Variants in ASIC2 observed in about 807,000 individuals in gnomAD.
The protein encoded by ASIC2 is acid-sensing ion channel 2.
ASIC2 carries 25 observed loss-of-function variants against 57.3 expected under a neutral mutation model. That is an observed-to-expected ratio of 0.44 (90% CI 0.32 to 0.61). The LOEUF (loss-of-function observed/expected upper bound fraction) is 0.61, where lower values mean the gene tolerates loss of function less well. Among genes scored for constraint, ASIC2 ranks in the 20% least tolerant of loss-of-function variants. The probability of loss-of-function intolerance (pLI) is 0.06; values close to 1 mark genes in which losing one functional copy is unlikely to be tolerated. For missense variants in ASIC2, 641 were observed against 738.1 expected (o/e 0.87, Z 1.52); for synonymous variants, 319 against 307.5 (o/e 1.04, Z -0.39).
Position 33,554,070 on chromosome 17 carries a change from G to A in ASIC2, c.556-442003C>T, listed in dbSNP as rs144748175. 1.3e-4 allele frequency among the ~76,000 whole-genome samples: 20 copies of A among 152,290 alleles called. No individual in the cohort carries two copies. In the East Asian group the frequency reaches 3.9e-3, roughly 29 times the overall value. On this transcript the variant is annotated intron_variant, in intron 1 of 9. Transcript: ENST00000359872. The stretch of plus-strand genomic sequence containing the variant: ...AGTGCTGTTAGGCAGTAAACTTAGG[G>A]GAGAATTACACAGGGCAGCCATGAA...
At chr17:33,092,599 C>A (rs371193684) in intron 2 of ASIC2, among the ~76,000 whole-genome samples, 1 of 152,260 alleles carries the variant, frequency 6.6e-6, no homozygotes, top group Non-Finnish European at 1.5e-5. Context: ...AGGTCATCTA[C>A]ATTTGGGCAG....
intron 1 of ASIC2, among the ~76,000 whole-genome samples, chr17:33,277,038 A>G (rs903684551): frequency 2.0e-5 from 3 of 152,206 alleles, no homozygotes; most frequent in Non-Finnish European, 4.4e-5. Flanking sequence ...CTTGACAGGA[A>G]TGCAGAATCT....
Position 34,128,464 on chromosome 17 carries a change from C to G in ASIC2, c.555+27514G>C, listed in dbSNP as rs117408049. On this transcript the variant is annotated intron_variant, in intron 1 of 9. Coordinates refer to the ASIC2 transcript ENST00000359872. The stretch of plus-strand genomic sequence containing the variant: ...GTGTGGTTCACTTTCCCCTGCAAAC[C>G]ACACTTATTCAATGTGATAGTAGAG... 2.9e-4 allele frequency among the ~76,000 whole-genome samples: 44 copies of G among 152,272 alleles called. No homozygotes were observed. In the East Asian group the frequency reaches 8.5e-3, roughly 29 times the overall value.
intron 3 of ASIC2, among the ~76,000 whole-genome samples, chr17:33,060,979 T>C (rs994865422): frequency 1.3e-5 from 2 of 152,200 alleles, no homozygotes; most frequent in Non-Finnish European, 2.9e-5. Context: ...TATTGGTGTA[T>C]AAGAATGCTT....
At chr17:33,428,829 C>G (rs1218913912) in intron 1 of ASIC2, among the ~76,000 whole-genome samples, 1 of 152,182 alleles carries the variant, frequency 6.6e-6, no homozygotes, top group Non-Finnish European at 1.5e-5. Flanking sequence ...CTCTTTGTAA[C>G]TTATGAGCAA....
chr17:33,425,879 G>A (rs1270830389), intron 1 of ASIC2, among the ~76,000 whole-genome samples: 3 of 152,132 alleles, frequency 2.0e-5, no homozygotes, highest in Non-Finnish European at 4.4e-5. Flanking sequence ...GCTAGGGAGA[G>A]GACTTAGATC....
intron 1 of ASIC2, among the ~76,000 whole-genome samples, chr17:33,467,226 C>T (rs553448587): frequency 6.6e-6 from 1 of 152,296 alleles, no homozygotes; most frequent in Admixed American, 6.5e-5. Flanking sequence ...CAGGCATAAG[C>T]CACTGTGCCT....
At chr17:34,102,537 A>G (rs1486203464) in intron 1 of ASIC2, among the ~76,000 whole-genome samples, 1 of 152,076 alleles carries the variant, frequency 6.6e-6, no homozygotes, top group Admixed American at 6.6e-5. Context: ...ACATTTTCCC[A>G]TTCTATAACC....
chr17:33,149,763 G>T (rs1374258233), intron 1 of ASIC2, among the ~76,000 whole-genome samples: 1 of 151,998 alleles, frequency 6.6e-6, no homozygotes, highest in African/African-American at 2.4e-5. Context: ...TAATTTATTT[G>T]ATCAATAGTG....
In ASIC2 at chr17:33,878,874, A is replaced by G. The variant is rs1350737860; in HGVS notation, c.555+277104T>C. Among the ~76,000 whole-genome samples the G allele has an allele frequency of 1.1e-4, 16 of 152,240 alleles. 1 individual carries two copies. The highest frequency in any genetic ancestry group is 1.5e-5 in the Non-Finnish European group (1 of 68,044). On this transcript the variant is annotated intron_variant, in intron 1 of 9. Transcript: ENST00000359872. ...GCCAGAGAGAAAGGTCGGGTTACCC[A>G]CAAGGGGAAGCCCATCAGACTAACA...
rs1913624049 is a variant in ASIC2 at position 33,487,810 on chromosome 17, T to TA, written c.556-375744dup. On this transcript the variant is annotated intron_variant, in intron 1 of 9. Transcript: ENST00000359872. ...CTACCACGCTGGATGCTTCCTGCCCTAGAACATCAGATTCCAAGTTCCTCA... is the reference window on the plus strand; with the variant it reads ...CTACCACGCTGGATGCTTCCTGCCCTAAGAACATCAGATTCCAAGTTCCTCA... Among the ~76,000 whole-genome samples the TA allele has an allele frequency of 4.6e-5, 7 of 152,306 alleles. No homozygotes were observed. In the South Asian group the frequency reaches 1.5e-3, roughly 32 times the overall value.
chr17:33,922,694 C>A (rs1332816783), intron 1 of ASIC2, among the ~76,000 whole-genome samples: 1 of 151,956 alleles, frequency 6.6e-6, no homozygotes, highest in Non-Finnish European at 1.5e-5. Context: ...CAATACTAAC[C>A]CCACCCCATT....
chr17:34,011,375 G>A (rs976104588), intron 1 of ASIC2, among the ~76,000 whole-genome samples: 1 of 152,060 alleles, frequency 6.6e-6, no homozygotes, highest in African/African-American at 2.4e-5. Context: ...CTAAGGCAAG[G>A]GCTACACTCT....
chr17:33,894,546 A>G (rs972169233), intron 1 of ASIC2, among the ~76,000 whole-genome samples: 2 of 151,972 alleles, frequency 1.3e-5, no homozygotes, highest in Non-Finnish European at 2.9e-5. Context: ...GAGAGCCCAC[A>G]TTTTGCCGTT....
At chr17:33,367,159 G>A (rs1908842523) in intron 1 of ASIC2, among the ~76,000 whole-genome samples, 1 of 152,196 alleles carries the variant, frequency 6.6e-6, no homozygotes, top group Non-Finnish European at 1.5e-5. Flanking sequence ...GCTTCCAGTG[G>A]CATTTCCTTC....
chr17:33,673,351 A>G (rs7220571), intron 1 of ASIC2, among the ~76,000 whole-genome samples: 7,617 of 152,286 alleles, frequency 0.05, 499 homozygotes, highest in African/African-American at 0.15. Context: ...TCTTTGGGTG[A>G]GAAGAAGCTA....
intron 1 of ASIC2, among the ~76,000 whole-genome samples, chr17:33,384,488 C>A (rs1909603767): frequency 6.6e-6 from 1 of 152,102 alleles, no homozygotes; most frequent in Non-Finnish European, 1.5e-5. Context: ...GTATCAACTT[C>A]CAGGTGCCAT....
chr17:33,450,879 A>G (rs553877277), intron 1 of ASIC2, among the ~76,000 whole-genome samples: 3 of 152,302 alleles, frequency 2.0e-5, no homozygotes, highest in Non-Finnish European at 4.4e-5. Context: ...ATGTATATGT[A>G]TACAGGGACT....
intron 1 of ASIC2, among the ~76,000 whole-genome samples, chr17:33,611,747 C>T (rs1905416687): frequency 1.3e-5 from 2 of 152,254 alleles, no homozygotes; most frequent in African/African-American, 2.4e-5. Flanking sequence ...ATAGCATCCA[C>T]TAAAATCCCA....
Sources: allele counts gnomAD v4.1 joint callset (sites outside exome capture counted in the v4.1 genomes callset), GRCh38; gene constraint gnomAD v4.1.1; transcripts MANE v1.5; gene names NCBI Gene and HGNC (gene_info 2026-07-23, HGNC 2026-07-21).